CSMD1: variants seen among roughly 807,000 people sequenced by gnomAD.
CSMD1 encodes the protein CUB and Sushi multiple domains 1.
CSMD1 carries 213 observed loss-of-function variants against 417.5 expected under a neutral mutation model. The ratio of observed to expected loss-of-function variants is 0.51; its 90% confidence interval spans 0.46 to 0.57. The LOEUF (loss-of-function observed/expected upper bound fraction) is 0.57. Ranked by LOEUF, CSMD1 falls within the 20% of genes least tolerant of loss-of-function variation. CSMD1 has a pLI of 0.00. For synonymous variants in CSMD1, 2,862 were observed against 1,736.8 expected, an observed-to-expected ratio of 1.65 and a Z score of -16.11; for missense variants, 6,923 against 4,529.7, an observed-to-expected ratio of 1.53 and a Z score of -15.17.
chr8:4,303,597 G>C (rs755611773), intron 3 of CSMD1, among the ~76,000 whole-genome samples: 12 of 151,842 alleles, frequency 7.9e-5, no homozygotes, highest in Non-Finnish European at 1.2e-4. Context: ...GCACCTTCTG[G>C]ACATTGTCAT....
chr8:3,864,878 AT>A (rs944974584), intron 5 of CSMD1, among the ~76,000 whole-genome samples: 2 of 152,190 alleles, frequency 1.3e-5, no homozygotes, highest in African/African-American at 2.4e-5. Flanking sequence ...TAAATAATTA[AT>A]TTCTTTGTAT....
At chr8:3,042,915 C>G (rs1220479925) in intron 50 of CSMD1, among the ~76,000 whole-genome samples, 1 of 151,450 alleles carries the variant, frequency 6.6e-6, no homozygotes, top group Non-Finnish European at 1.5e-5. Flanking sequence ...TACAAGGTCA[C>G]TATGGTGATA....
chr8:4,893,997 C>G lies in CSMD1; in HGVS notation c.85+100335G>C, dbSNP rs1002982010. 3.3e-5 allele frequency among the ~76,000 whole-genome samples: 5 copies of G among 152,088 alleles called. No individual in the cohort carries two copies. The East Asian group carries it at 7.7e-4, about 23-fold the overall frequency. On this transcript the variant is annotated intron_variant, in intron 1 of 69. Coordinates refer to ENST00000635120, the MANE Select transcript of CSMD1 (RefSeq NM_033225.6). Reference sequence around the variant, plus strand: ...AGATTTTCAAGAAGGATTTCAACATCTGTTATGTATAGATACCTTTGGATT... The same window carrying G: ...AGATTTTCAAGAAGGATTTCAACATGTGTTATGTATAGATACCTTTGGATT...
chr8:4,635,461 A>T (rs1802766404), intron 2 of CSMD1, among the ~76,000 whole-genome samples: 1 of 152,186 alleles, frequency 6.6e-6, no homozygotes, highest in Admixed American at 6.5e-5. Context: ...CTGTCAGTCA[A>T]ATTAAGACAG....
chr8:3,382,811 T>G lies in CSMD1; in HGVS notation c.2782+4683A>C, dbSNP rs78491796. ...TTGTCTGACCCTTTATTTTACATCTTTAATAGAATAACTTTTAGTGTGCAT... is the reference window on the plus strand; with the variant it reads ...TTGTCTGACCCTTTATTTTACATCTGTAATAGAATAACTTTTAGTGTGCAT... On this transcript the variant is annotated intron_variant, in intron 18 of 69. Transcript: ENST00000635120. Among the ~76,000 whole-genome samples, 282 of 152,000 alleles carry G rather than the reference T, an allele frequency of 1.9e-3. 3 individuals carry two copies. Among genetic ancestry groups the G allele is most frequent in the African/African-American group, 6.3e-3 (262 of 41,492 alleles).
chr8:3,660,090 T>C (rs918433224), intron 7 of CSMD1, among the ~76,000 whole-genome samples: 1 of 152,320 alleles, frequency 6.6e-6, no homozygotes, highest in South Asian at 2.1e-4. Context: ...TAAGGTACCA[T>C]CGTGATGTAT....
At chr8:4,267,367 G>A (rs1804284282) in intron 3 of CSMD1, among the ~76,000 whole-genome samples, 1 of 49,428 alleles carries the variant, frequency 2.0e-5, no homozygotes, top group African/African-American at 3.6e-5. Flanking sequence ...GAGTTTAAAA[G>A]GGAGTCTTAG....
At chr8:3,793,549 AC>A (rs1054990576) in intron 5 of CSMD1, among the ~76,000 whole-genome samples, 2 of 144,096 alleles carry the variant, frequency 1.4e-5, no homozygotes, top group African/African-American at 5.2e-5. Context: ...TCCACATGAC[AC>A]CCCCTCCTCC....
intron 11 of CSMD1, among the ~76,000 whole-genome samples, chr8:3,484,321 G>C (rs1604017): frequency 6.6e-6 from 1 of 152,176 alleles, no homozygotes. Flanking sequence ...CAGAAAAGCA[G>C]TTCAATGGAG....
intron 2 of CSMD1, among the ~76,000 whole-genome samples, chr8:4,613,704 T>C (rs1585331881): frequency 6.6e-6 from 1 of 152,058 alleles, no homozygotes; most frequent in East Asian, 1.9e-4. Context: ...TAGTAAATCA[T>C]TCAGAAGTGA....
intron 40 of CSMD1, among the ~76,000 whole-genome samples, chr8:3,148,381 G>A (rs544563943): frequency 4.0e-4 from 61 of 152,248 alleles, no homozygotes; most frequent in African/African-American, 1.3e-3. Flanking sequence ...CAAGAATAAG[G>A]CAAGGTTCAG....
chr8:4,731,363 A>C (rs1049095345), intron 1 of CSMD1, among the ~76,000 whole-genome samples: 1 of 152,152 alleles, frequency 6.6e-6, no homozygotes, highest in Non-Finnish European at 1.5e-5. Flanking sequence ...GGACTGGAGC[A>C]AGCTGCATGT....
chr8:3,330,230 G>A (rs1047162752), intron 23 of CSMD1, among the ~76,000 whole-genome samples: 2 of 152,126 alleles, frequency 1.3e-5, no homozygotes, highest in African/African-American at 4.8e-5. Context: ...AGGAACATAT[G>A]GTTAAAAACA....
intron 3 of CSMD1, among the ~76,000 whole-genome samples, chr8:4,174,578 G>T (rs144163131): frequency 3.3e-5 from 5 of 150,074 alleles, no homozygotes. Context: ...ATGCACTCTG[G>T]CTGGGATACA....
At chr8:4,930,160 A>G (rs1438534079) in intron 1 of CSMD1, among the ~76,000 whole-genome samples, 1 of 152,204 alleles carries the variant, frequency 6.6e-6, no homozygotes, top group Non-Finnish European at 1.5e-5. Context: ...CTAGATTCAT[A>G]TCACATAAAA....
chr8:3,519,785 T>A (rs1275609461), intron 10 of CSMD1, among the ~76,000 whole-genome samples: 1 of 151,422 alleles, frequency 6.6e-6, no homozygotes, highest in Non-Finnish European at 1.5e-5. Context: ...ACTTGCATCA[T>A]TTAATAATAA....
chr8:3,469,993 GA>G (rs1816995235), intron 11 of CSMD1, among the ~76,000 whole-genome samples: 5 of 151,806 alleles, frequency 3.3e-5, no homozygotes, highest in Admixed American at 2.0e-4. Flanking sequence ...TACATTTATT[GA>G]AGTGTAACAA....
intron 17 of CSMD1, among the ~76,000 whole-genome samples, chr8:3,391,577 T>A (rs1355679542): frequency 6.6e-6 from 1 of 152,170 alleles, no homozygotes; most frequent in Admixed American, 6.6e-5. Flanking sequence ...ACATATGAGA[T>A]GATTCCTAAG....
chr8:4,684,368 C>G (rs182201529), intron 1 of CSMD1, among the ~76,000 whole-genome samples: 1 of 152,224 alleles, frequency 6.6e-6, no homozygotes, highest in Non-Finnish European at 1.5e-5. Context: ...AAAATGAACT[C>G]TATGAAGAAA....
Sources: gnomAD v4.1 joint callset for allele counts (sites outside exome capture counted in the v4.1 genomes callset) on GRCh38, gnomAD v4.1.1 for gene constraint, MANE v1.5 for transcripts, NCBI Gene and HGNC (gene_info 2026-07-23, HGNC 2026-07-21) for gene names.